The following KIAA0825 variants were observed in gnomAD, a reference collection of about 807,000 sequenced individuals.
KIAA0825 encodes KIAA0825.
A neutral mutation model predicts 147.6 loss-of-function variants in KIAA0825; 119 were observed. That is an observed-to-expected ratio of 0.81 (90% CI 0.69 to 0.94). The LOEUF is 0.94. Ranked by LOEUF, KIAA0825 falls within the 40% of genes least tolerant of loss-of-function variation. KIAA0825 has a pLI of 0.00. For synonymous variants in KIAA0825, 470 were observed against 518.1 expected, an observed-to-expected ratio of 0.91 and a Z score of 1.26; for missense variants, 1,381 against 1,472.7, an observed-to-expected ratio of 0.94 and a Z score of 1.02.
intron 20 of KIAA0825, among the ~76,000 whole-genome samples, chr5:94,293,322 A>T (rs994635352): frequency 3.3e-5 from 5 of 152,124 alleles, no homozygotes; most frequent in African/African-American, 1.2e-4. Context: ...CCTTGTTCTC[A>T]TTGGTTTCAA....
intron 19 of KIAA0825, 87 bp downstream of exon 19, chr5:94,386,155 T>A: frequency 8.4e-7 from 1 of 1,194,814 alleles, no homozygotes; most frequent in Non-Finnish European, 1.2e-6. Flanking sequence ...AATAAGCTTA[T>A]GAGTAAATAC....
chr5:94,197,947 A>G (rs1477602522), intron 20 of KIAA0825, among the ~76,000 whole-genome samples: 1 of 152,216 alleles, frequency 6.6e-6, no homozygotes, highest in East Asian at 1.9e-4. Context: ...TGCTTTGGCT[A>G]TTTGGTTTCT....
chr5:94,481,535 G>A (rs1318493127), intron 6 of KIAA0825, among the ~76,000 whole-genome samples: 2 of 152,040 alleles, frequency 1.3e-5, no homozygotes, highest in Non-Finnish European at 2.9e-5. Flanking sequence ...ATAATACCAT[G>A]AAAAAGTATG....
intron 8 of KIAA0825, among the ~76,000 whole-genome samples, chr5:94,472,722 C>T (rs1584602306): frequency 6.6e-6 from 1 of 151,970 alleles, no homozygotes; most frequent in East Asian, 1.9e-4. Context: ...CCAGCCTGGG[C>T]GACAGAGTGA....
chr5:94,204,018 A>G (rs1240827433), intron 20 of KIAA0825, among the ~76,000 whole-genome samples: 4 of 152,330 alleles, frequency 2.6e-5, no homozygotes, highest in African/African-American at 7.2e-5. Flanking sequence ...CTGAATGACT[A>G]TAAACAAACA....
intron 4 of KIAA0825, among the ~76,000 whole-genome samples, chr5:94,523,637 TCAATA>T (rs1768660609): frequency 6.6e-6 from 1 of 151,512 alleles, no homozygotes; most frequent in African/African-American, 2.4e-5. Context: ...GTGATACACA[TCAATA>T]CATTTTGTGG....
At chr5:94,219,860 G>A (rs1773532249) in intron 20 of KIAA0825, among the ~76,000 whole-genome samples, 1 of 152,184 alleles carries the variant, frequency 6.6e-6, no homozygotes, top group Admixed American at 6.6e-5. Flanking sequence ...GTGAATGAAT[G>A]TGATGGCCTA....
At chr5:94,590,997 AT>A (rs1439247693) in intron 1 of KIAA0825, among the ~76,000 whole-genome samples, 3 of 152,244 alleles carry the variant, frequency 2.0e-5, no homozygotes, top group Non-Finnish European at 4.4e-5. Flanking sequence ...ACTGTTTAAA[AT>A]TATGTGAACA....
At chr5:94,525,480 C>T (rs1246306219) in intron 3 of KIAA0825, among the ~76,000 whole-genome samples, 2 of 151,954 alleles carry the variant, frequency 1.3e-5, no homozygotes, top group Non-Finnish European at 2.9e-5. Context: ...AATACCTCCT[C>T]TGGCCACAGG....
intron 13 of KIAA0825, among the ~76,000 whole-genome samples, chr5:94,443,801 G>A (rs1757406182): frequency 6.6e-6 from 1 of 152,228 alleles, no homozygotes; most frequent in Middle Eastern, 3.4e-3. Context: ...CTTGATGTGA[G>A]GTAAGGCTTG....
At chr5:94,539,818 G>A (rs1035582119) in intron 2 of KIAA0825, among the ~76,000 whole-genome samples, 5 of 152,038 alleles carry the variant, frequency 3.3e-5, no homozygotes, top group Admixed American at 2.0e-4. Context: ...GGCCCCTCTC[G>A]GTAAAGTCCC....
intron 20 of KIAA0825, among the ~76,000 whole-genome samples, chr5:94,341,452 A>G (rs1434596391): frequency 6.6e-6 from 1 of 152,208 alleles, no homozygotes; most frequent in Non-Finnish European, 1.5e-5. Context: ...ATTATCATGG[A>G]GTACACCTAG....
In KIAA0825 at chr5:94,456,139, G is replaced by T. The variant is rs552695022; in HGVS notation, c.2247-3070C>A. On this transcript the variant is annotated intron_variant, in intron 12 of 20. Coordinates refer to ENST00000682413, the MANE Select transcript of KIAA0825 (RefSeq NM_001145678.3). ...TGGAAGTCTTGATGAGAGATCAGGAGGGACTGGAGAATGCGGACATACATA... is the reference window on the plus strand; with the variant it reads ...TGGAAGTCTTGATGAGAGATCAGGATGGACTGGAGAATGCGGACATACATA... Among the ~76,000 whole-genome samples, 27 of 152,270 alleles carry T rather than the reference G, an allele frequency of 1.8e-4. No individual in the cohort carries two copies. In the South Asian group the frequency reaches 5.4e-3, roughly 30 times the overall value.
chr5:94,259,569 G>C (rs538707567), intron 20 of KIAA0825, among the ~76,000 whole-genome samples: 5 of 151,906 alleles, frequency 3.3e-5, no homozygotes, highest in Non-Finnish European at 5.9e-5. Context: ...TAGTCTATTA[G>C]TAAACTGGAG....
intron 20 of KIAA0825, among the ~76,000 whole-genome samples, chr5:94,281,797 TTTCCCCG>T (rs1223176082): frequency 6.6e-6 from 1 of 152,114 alleles, no homozygotes; most frequent in African/African-American, 2.4e-5. Context: ...TAAATTCCCC[TTTCCCCG>T]TTCCCTACTG....
chr5:94,360,332 AAGTTTGGTT>A (rs1744892026), intron 20 of KIAA0825, among the ~76,000 whole-genome samples: 2 of 152,208 alleles, frequency 1.3e-5, no homozygotes, highest in East Asian at 3.9e-4. Flanking sequence ...AGTCTTCTAC[AAGTTTGGTT>A]AGTGTTGTCA....
chr5:94,304,166 G>C (rs1223217951), intron 20 of KIAA0825, among the ~76,000 whole-genome samples: 1 of 152,060 alleles, frequency 6.6e-6, no homozygotes, highest in East Asian at 1.9e-4. Context: ...GTGGTGGAAG[G>C]AATACTGGGC....
chr5:94,416,921 A>T (rs1753543762), intron 15 of KIAA0825: 1 of 264,962 alleles, frequency 3.8e-6, no homozygotes, highest in Non-Finnish European at 7.3e-6. Context: ...TGTGATAAAT[A>T]TTAAAATAAA....
At chr5:94,252,877 C>A (rs913326781) in intron 20 of KIAA0825, among the ~76,000 whole-genome samples, 1 of 152,018 alleles carries the variant, frequency 6.6e-6, no homozygotes, top group Non-Finnish European at 1.5e-5. Flanking sequence ...ACTGATTCAC[C>A]TGAATAATTA....
Sources: gnomAD v4.1 joint callset for allele counts (sites outside exome capture counted in the v4.1 genomes callset) on GRCh38, gnomAD v4.1.1 for gene constraint, MANE v1.5 for transcripts, NCBI Gene and HGNC (gene_info 2026-07-23, HGNC 2026-07-21) for gene names.